DYRK1A: variants seen among roughly 807,000 people sequenced by gnomAD.
The protein encoded by DYRK1A is dual specificity tyrosine-phosphorylation-regulated kinase 1A.
Under a neutral mutation model 79.7 loss-of-function variants are expected in DYRK1A, and 9 were observed. The ratio of observed to expected loss-of-function variants is 0.11; its 90% CI spans 0.07 to 0.20. The LOEUF (loss-of-function observed/expected upper bound fraction) is 0.20, where lower values mean the gene tolerates loss of function less well. DYRK1A is among the 10% of genes least tolerant of loss of function. The pLI, the probability that DYRK1A is intolerant of heterozygous loss-of-function variation, is 1.00. For missense variants in DYRK1A, 622 were observed against 956.0 expected (o/e 0.65, Z 4.61); for synonymous variants, 349 against 329.7 (o/e 1.06, Z -0.63).
chr21:37,372,976 AAATTT>A (rs1291477462), intron 1 of DYRK1A, among the ~76,000 whole-genome samples: 12 of 152,346 alleles, frequency 7.9e-5, no homozygotes, highest in Admixed American at 3.3e-4. Flanking sequence ...ATATAATTGT[AAATTT>A]AATTTCTCCA....
Position 37,440,785 on chromosome 21 carries a change from C to T in DYRK1A, c.10+20401C>T, listed in dbSNP as rs911963896. Among the ~76,000 whole-genome samples, 7 of 152,040 alleles carry T rather than the reference C, an allele frequency of 4.6e-5. No homozygotes were observed. In the South Asian group the frequency reaches 1.2e-3, roughly 27 times the overall value. On this transcript the variant is annotated intron_variant, in intron 2 of 11. Coordinates refer to ENST00000647188, the MANE Select transcript of DYRK1A (RefSeq NM_001347721.2). The stretch of plus-strand genomic sequence containing the variant: ...AACGTATTTTGAATAACTCGATTTC[C>T]TTTAATTTATTAGGGTTTGTTTTGT...
At chr21:37,411,732 T>C (rs1001545692) in intron 1 of DYRK1A, among the ~76,000 whole-genome samples, 4 of 152,230 alleles carry the variant, frequency 2.6e-5, no homozygotes, top group Admixed American at 2.6e-4. Flanking sequence ...AAAATACACA[T>C]TCATTTTAGA....
chr21:37,464,004 G>A (rs578162817), intron 2 of DYRK1A, among the ~76,000 whole-genome samples: 1 of 152,274 alleles, frequency 6.6e-6, no homozygotes, highest in South Asian at 2.1e-4. Context: ...TACTGTCACA[G>A]GAATGGTCCC....
intron 2 of DYRK1A, among the ~76,000 whole-genome samples, chr21:37,456,730 T>G (rs532937914): frequency 6.6e-6 from 1 of 152,278 alleles, no homozygotes; most frequent in Admixed American, 6.5e-5. Context: ...GCCACCATGC[T>G]TAGGGCCGTG....
intron 2 of DYRK1A, among the ~76,000 whole-genome samples, chr21:37,442,010 T>TTA (rs2051121109): frequency 8.0e-5 from 12 of 150,382 alleles, no homozygotes; most frequent in Admixed American, 8.0e-4. Flanking sequence ...GAACTCTAAA[T>TTA]GACACTTTTT....
intron 2 of DYRK1A, among the ~76,000 whole-genome samples, chr21:37,439,766 C>T (rs1311844292): frequency 1.3e-5 from 2 of 152,098 alleles, no homozygotes; most frequent in African/African-American, 2.4e-5. Flanking sequence ...GGGAAAGATA[C>T]CTTCTATTTC....
At position 37,514,678 on chromosome 21, in the gene DYRK1A, A is replaced by G. The variant is rs1312860246; in HGVS notation, c.*2147A>G. On this transcript the variant is annotated 3_prime_UTR_variant, in exon 12 of 12. Transcript: ENST00000647188. The stretch of plus-strand genomic sequence containing the variant: ...TCAGGAAATCCATATTTATTTTGTA[A>G]TTAACTGTCAAGCCTGTGGATGATT... 1 of 152,658 alleles carries G rather than the reference A, an allele frequency of 6.6e-6. No individual in the cohort carries two copies. The highest frequency in any genetic ancestry group is 1.5e-5 in the Non-Finnish European group (1 of 68,046). 9.5% of individuals were successfully genotyped at this position (152,658 alleles called of 1,614,324 possible). A position where few individuals can be genotyped will look rare whatever the true frequency, so the allele number is the denominator to read the frequency against.
rs1371401327 is a variant in DYRK1A, at chr21:37,366,896, G to A, written c.-809G>A. ...GGGGTGGCGGCGGCAACCGCGGCGG[G>A]GGTATCCGGGGAGACTGCTGCTGTC... On this transcript the variant is annotated 5_prime_UTR_variant, in exon 1 of 12. Transcript: ENST00000647188. 1.3e-5 allele frequency: 2 copies of A among 153,236 alleles called. No individual in the cohort carries two copies. Among genetic ancestry groups the A allele is most frequent in the African/African-American group, 4.8e-5 (2 of 41,458 alleles). The allele number at this position is 153,236 out of a possible 1,614,324, so 9.5% of individuals were successfully genotyped here.
chr21:37,381,666 G>A (rs1395411877), intron 1 of DYRK1A, among the ~76,000 whole-genome samples: 4 of 152,138 alleles, frequency 2.6e-5, no homozygotes. Context: ...GTGGTGGTCC[G>A]CAGTCCAGCT....
intron 2 of DYRK1A, among the ~76,000 whole-genome samples, chr21:37,441,663 T>C (rs943057183): frequency 6.6e-6 from 1 of 152,178 alleles, no homozygotes; most frequent in Non-Finnish European, 1.5e-5. Context: ...ATAGTATTCT[T>C]CTATTTCTCT....
At chr21:37,380,289 C>G (rs755574834) in intron 1 of DYRK1A, among the ~76,000 whole-genome samples, 1 of 151,966 alleles carries the variant, frequency 6.6e-6, no homozygotes, top group African/African-American at 2.4e-5. Flanking sequence ...ATCAAATGTT[C>G]GTTATTGAGA....
chr21:37,397,999 G>T (rs544032702), intron 1 of DYRK1A, among the ~76,000 whole-genome samples: 35 of 151,300 alleles, frequency 2.3e-4, no homozygotes, highest in Admixed American at 1.3e-3. Flanking sequence ...GCAAACTTTG[G>T]GGGGCTGAGG....
chr21:37,371,197 A>G (rs965184145), intron 1 of DYRK1A, among the ~76,000 whole-genome samples: 55 of 152,356 alleles, frequency 3.6e-4, no homozygotes, highest in African/African-American at 6.3e-4. Flanking sequence ...CTAGAGTTGT[A>G]AAGTTTACCA....
intron 1 of DYRK1A, among the ~76,000 whole-genome samples, chr21:37,390,518 GT>G (rs541227831): frequency 3.3e-4 from 51 of 152,248 alleles, no homozygotes; most frequent in African/African-American, 1.2e-3. Context: ...ATAGTGTAGT[GT>G]TCTTTATGGG....
intron 7 of DYRK1A, among the ~76,000 whole-genome samples, chr21:37,491,144 T>C (rs894339754): frequency 3.3e-5 from 5 of 152,164 alleles, no homozygotes; most frequent in Non-Finnish European, 7.4e-5. Flanking sequence ...CTGACACATA[T>C]CCAAGCTGGT....
chr21:37,465,501 C>CT (rs1460164969), intron 2 of DYRK1A, among the ~76,000 whole-genome samples: 2 of 152,138 alleles, frequency 1.3e-5, no homozygotes, highest in Non-Finnish European at 2.9e-5. Flanking sequence ...GTGACCAATG[C>CT]TTTTCAAAAT....
intron 1 of DYRK1A, among the ~76,000 whole-genome samples, chr21:37,413,732 T>G (rs1314970571): frequency 6.6e-6 from 1 of 152,192 alleles, no homozygotes; most frequent in Non-Finnish European, 1.5e-5. Flanking sequence ...GGCCACCTCT[T>G]CTAAGTTCCT....
chr21:37,440,759 G>T (rs1031010463), intron 2 of DYRK1A, among the ~76,000 whole-genome samples: 2 of 152,148 alleles, frequency 1.3e-5, no homozygotes, highest in African/African-American at 4.8e-5. Context: ...TGTCACCAGA[G>T]AACGTATTTT....
At position 37,523,357 on chromosome 21, in the gene DYRK1A, T is replaced by C. The variant is rs2148677635; in HGVS notation, c.*10826T>C. On this transcript the variant is annotated 3_prime_UTR_variant, in exon 12 of 12. Transcript: ENST00000647188. ...TGAATTTTCGTTTAGGCCCCTTTCTTTGTGAGAGGGGGCCCCAGGATTATG... is the reference window on the plus strand; with the variant it reads ...TGAATTTTCGTTTAGGCCCCTTTCTCTGTGAGAGGGGGCCCCAGGATTATG... 1 of 152,282 alleles carries C rather than the reference T, an allele frequency of 6.6e-6. No individual in the cohort carries two copies. The highest frequency in any genetic ancestry group is 1.5e-5 in the Non-Finnish European group (1 of 68,038). The allele number at this position is 152,282 out of a possible 1,614,324, so 9.4% of individuals were successfully genotyped here. A position where few individuals can be genotyped will look rare whatever the true frequency, so the allele number is the denominator to read the frequency against.
Sources: gnomAD v4.1 joint callset for allele counts (sites outside exome capture counted in the v4.1 genomes callset) on GRCh38, gnomAD v4.1.1 for gene constraint, MANE v1.5 for transcripts, NCBI Gene and HGNC (gene_info 2026-07-23, HGNC 2026-07-21) for gene names.